STEEP1: variants seen among roughly 807,000 people sequenced by gnomAD.
STEEP1 encodes STING ER exit protein.
Under a neutral mutation model 19.2 loss-of-function variants are expected in STEEP1, and 3 were observed. That is an observed-to-expected ratio of 0.16 (90% CI 0.07 to 0.40). STEEP1 has a LOEUF of 0.40. Ranked by LOEUF, STEEP1 falls within the 10% of genes least tolerant of loss-of-function variation. The pLI is 0.99. For synonymous variants in STEEP1, 46 were observed against 63.7 expected, an observed-to-expected ratio of 0.72 and a Z score of 1.32; for missense variants, 54 against 177.1, an observed-to-expected ratio of 0.30 and a Z score of 3.94.
chrX:119,541,187 C>T (rs2053159694), intron 6 of STEEP1, 141 bp downstream of exon 6: 2 of 468,078 alleles, frequency 4.3e-6, no homozygotes, highest in Non-Finnish European at 7.5e-6. Flanking sequence ...AGTCACAGAC[C>T]AGGGTTATAA....
chrX:119,549,137 G>A, intron 2 of STEEP1, among the ~76,000 whole-genome samples: 1 of 111,604 alleles, frequency 9.0e-6, no homozygotes, highest in Middle Eastern at 4.6e-3. Flanking sequence ...AGATGAGTAA[G>A]TTTTGGAGAT....
At chrX:119,541,852 GAAGGAAACTGA>G (rs1478537287) in intron 5 of STEEP1, among the ~76,000 whole-genome samples, 3 of 111,757 alleles carry the variant, frequency 2.7e-5, no homozygotes, top group Admixed American at 9.6e-5. Context: ...AGTTGGGCTG[GAAGGAAACTGA>G]AATCTTTCAG....
chrX:119,538,215 G>T lies in STEEP1; in HGVS notation c.*1512C>A, dbSNP rs764732389. Reference sequence around the variant, plus strand: ...CATGGATACAAACACATGGATATAGGTATCATTGAAGCAGTGTGACATAAA... The same window carrying T: ...CATGGATACAAACACATGGATATAGTTATCATTGAAGCAGTGTGACATAAA... On this transcript the variant is annotated 3_prime_UTR_variant, in exon 7 of 7. Coordinates refer to ENST00000644802, the MANE Select transcript of STEEP1 (RefSeq NM_022101.4). 1 of 119,127 alleles carries T rather than the reference G, an allele frequency of 8.4e-6. No individual in the cohort carries two copies. The highest frequency in any genetic ancestry group is 9.6e-5 in the Admixed American group (1 of 10,399). 9.8% of individuals were successfully genotyped at this position (119,127 alleles called of 1,213,427 possible).
At chrX:119,551,696 A>C (rs143115632) in intron 2 of STEEP1, among the ~76,000 whole-genome samples, 2,313 of 67,308 alleles carry the variant, frequency 0.034, 62 homozygotes, top group African/African-American at 0.093. Flanking sequence ...CCACAACAAC[A>C]ACCTTCAACA....
At chrX:119,558,429 C>A (rs1268649692) in intron 2 of STEEP1, among the ~76,000 whole-genome samples, 1 of 110,718 alleles carries the variant, frequency 9.0e-6, no homozygotes, top group African/African-American at 3.3e-5. Context: ...CCCAGCTACT[C>A]GGGAGGCTGA....
chrX:119,559,487 C>G (rs2147359833), intron 2 of STEEP1, among the ~76,000 whole-genome samples: 1 of 111,442 alleles, frequency 9.0e-6, no homozygotes, highest in South Asian at 3.8e-4. Flanking sequence ...ATGCCATCAT[C>G]TTTTGAAGCC....
At chrX:119,549,708 G>A (rs143248031) in intron 2 of STEEP1, among the ~76,000 whole-genome samples, 4,655 of 112,086 alleles carry the variant, frequency 0.042, 93 homozygotes, top group South Asian at 0.093. Flanking sequence ...ACGGCAGAAG[G>A]GCAAGTAAGT....
chrX:119,564,311 G>C (rs1053066915), intron 1 of STEEP1, among the ~76,000 whole-genome samples: 4 of 110,808 alleles, frequency 3.6e-5, no homozygotes, highest in African/African-American at 1.3e-4. Context: ...CCTGGCCAAC[G>C]TAGTGAAACC....
At chrX:119,542,669 C>CACTCACG in intron 4 of STEEP1, 75 bp from the exon 5 acceptor site, 5 of 703,426 alleles carry the variant, frequency 7.1e-6, no homozygotes, top group Non-Finnish European at 1.1e-5. Flanking sequence ...TGTGCGCACA[C>CACTCACG]GCCTGTGTGA....
intron 1 of STEEP1, 90 bp downstream of exon 1, chrX:119,565,142 T>G: frequency 9.0e-7 from 1 of 1,113,235 alleles, no homozygotes; most frequent in East Asian, 3.2e-5. Context: ...CGTTGAGAAG[T>G]GGCTCCCAGA....
At chrX:119,552,015 C>G (rs7066457) in intron 2 of STEEP1, among the ~76,000 whole-genome samples, 12,768 of 108,495 alleles carry the variant, frequency 0.12, 1,257 homozygotes, top group African/African-American at 0.32. Context: ...ATTCTCCTGC[C>G]TCAGCCTCCT....
chrX:119,560,463 G>T, intron 1 of STEEP1, 78 bp from the exon 2 acceptor site: 1 of 627,375 alleles, frequency 1.6e-6, no homozygotes, highest in Non-Finnish European at 2.6e-6. Flanking sequence ...ATCCTGAGAA[G>T]TTTTGAGTGG....
intron 2 of STEEP1, among the ~76,000 whole-genome samples, chrX:119,556,059 T>G (rs2053276539): frequency 9.0e-6 from 1 of 111,722 alleles, no homozygotes; most frequent in Non-Finnish European, 1.9e-5. Flanking sequence ...GCAATTCTTG[T>G]GGCCTCTCCT....
intron 3 of STEEP1, among the ~76,000 whole-genome samples, chrX:119,545,128 C>T (rs112264917): frequency 2.8e-5 from 3 of 108,104 alleles, no homozygotes; most frequent in Admixed American, 1.0e-4. Context: ...CTGAGGTGGG[C>T]GGATGAACTC....
In STEEP1 at chrX:119,560,281, T is replaced by C. The variant is rs148441214; in HGVS notation, c.229A>G (p.Met77Val). The C allele has an allele frequency of 6.3e-5, 75 of 1,198,313 alleles. No individual in the cohort carries two copies. The highest frequency in any genetic ancestry group is 7.2e-5 in the Non-Finnish European group (64 of 884,443). The part of the protein sequence containing the change: ...KFCNTEDEET[M>V]YLRRPEGIER... Reference sequence around the variant, plus strand: ...TCAACCTCTTACCTCCGCAGATACATAGTCTCCTCATCTTCTGTGTTACAA... The same window carrying C: ...TCAACCTCTTACCTCCGCAGATACACAGTCTCCTCATCTTCTGTGTTACAA... Residue 77 changes from methionine to valine, a missense_variant, in exon 2 of 7, where the codon ATG (methionine) becomes GTG (valine). Around this residue, in one of 2 missense-constraint regions of STEEP1, gnomAD observed 47 missense variants for 118.5 expected, o/e 0.40. Transcript: ENST00000644802.
At chrX:119,557,274 G>A (rs1181852744) in intron 2 of STEEP1, among the ~76,000 whole-genome samples, 2 of 108,931 alleles carry the variant, frequency 1.8e-5, no homozygotes, top group Non-Finnish European at 3.8e-5. Flanking sequence ...CTGTTTACTG[G>A]TTGTACTGGG....
At chrX:119,557,155 C>CAAAAAAAAAAAAAAAAAA (rs61087266) in intron 2 of STEEP1, among the ~76,000 whole-genome samples, 2 of 47,773 alleles carry the variant, frequency 4.2e-5, no homozygotes, top group Non-Finnish European at 3.8e-5. Context: ...GACTCTATCT[C>CAAAAAAAAAAAAAAAAAA]AAAAAAAAAA....
At chrX:119,544,585 G>C in intron 3 of STEEP1, 94 bp from the exon 4 acceptor site, 1 of 874,497 alleles carries the variant, frequency 1.1e-6, no homozygotes, top group Non-Finnish European at 1.6e-6. Flanking sequence ...GAATATTTCT[G>C]TTTGTGGCAT....
chrX:119,541,883 T>G (rs2053163039), intron 5 of STEEP1, among the ~76,000 whole-genome samples: 1 of 111,214 alleles, frequency 9.0e-6, no homozygotes, highest in East Asian at 2.8e-4. Flanking sequence ...GTCCAGTAGT[T>G]TCTCAAATTA....
Sources: allele counts gnomAD v4.1 joint callset (sites outside exome capture counted in the v4.1 genomes callset), GRCh38; gene constraint gnomAD v4.1.1; regional missense constraint gnomAD v4.1.1; transcripts MANE v1.5; gene names NCBI Gene and HGNC (gene_info 2026-07-23, HGNC 2026-07-21).